The following ASB18 variants were observed in gnomAD, a reference collection of about 807,000 sequenced individuals.
ASB18 encodes the protein ankyrin repeat and SOCS box protein 18.
In ASB18, 33 loss-of-function variants were observed where a neutral mutation model predicts 33.4. That is an observed-to-expected ratio of 0.99 (90% confidence interval 0.75 to 1.32). The LOEUF is 1.32. Ranked by LOEUF, ASB18 falls within the 40% of genes most tolerant of loss-of-function variation. ASB18 has a pLI of 0.00. For synonymous variants in ASB18, 295 were observed against 307.6 expected (o/e 0.96, Z 0.43); for missense variants, 694 against 655.5 (o/e 1.06, Z -0.64).
Position 236,263,723 on chromosome 2 carries a change from T to C in ASB18, c.205+418A>G, listed in dbSNP as rs934153680. 7.2e-5 allele frequency among the ~76,000 whole-genome samples: 11 copies of C among 152,220 alleles called. No individual in the cohort carries two copies. Among genetic ancestry groups the C allele is most frequent in the Non-Finnish European group, 1.5e-4 (10 of 68,034 alleles). On this transcript the variant is annotated intron_variant, in intron 1 of 5. Transcript: ENST00000409749. This position sits in a 1 kb window ranked among gnomAD's most constrained non-coding sequence, Gnocchi z 4.0. ...TACTATCTTTTTGTAGGCATTTGGT[T>C]TAAGTATTTCAGTAGGGGATTGAAA...
At chr2:236,258,086 G>A (rs534080147) in intron 1 of ASB18, among the ~76,000 whole-genome samples, 1 of 152,338 alleles carries the variant, frequency 6.6e-6, no homozygotes, top group East Asian at 1.9e-4. Context: ...CTGTGCATAT[G>A]AGTTCGTAAA....
Position 236,244,860 on chromosome 2 carries a change from C to T in ASB18, c.206-3458G>A, listed in dbSNP as rs188188853. Among the ~76,000 whole-genome samples the T allele has an allele frequency of 6.6e-6, 1 of 152,308 alleles. No individual in the cohort carries two copies. Among genetic ancestry groups the T allele is most frequent in the Non-Finnish European group, 1.5e-5 (1 of 68,030 alleles). ...GTGTTTTGACCCTTGTTGTAGAACC[C>T]TTGTTCTGACCCCTGTTACAGGCAT... On this transcript the variant is annotated intron_variant, in intron 1 of 5. Transcript: ENST00000409749. The surrounding 1 kb of genome is among the most constrained non-coding windows in gnomAD (Gnocchi z 6.1).
At position 236,214,466 on chromosome 2, in the gene ASB18, C is replaced by A; in HGVS notation, c.997G>T (p.Val333Leu). The A allele has an allele frequency of 6.6e-7, 1 of 1,521,354 alleles. No individual in the cohort carries two copies. The highest frequency in any genetic ancestry group is 8.8e-7 in the Non-Finnish European group (1 of 1,140,820). 94.2% of individuals were successfully genotyped at this position (1,521,354 alleles called of 1,614,324 possible). A position where few individuals can be genotyped will look rare whatever the true frequency, so the allele number is the denominator to read the frequency against. ...AGAGCGCAGGATGCGGTCTGGAGCA[C>A]GCGGCCCAGCGGCGAGGCCCCGCCA... ...DYGGASPLGR[V>L]LQTASCALQA... The change falls in exon 4 of 6, where the codon GTG becomes TTG. Residue 333 changes from valine (V) to leucine (L), a missense_variant. Physicochemically the swap from Val to Leu is conservative, Grantham distance 32. Transcript: ENST00000409749. The surrounding 1 kb of genome is among the most constrained non-coding windows in gnomAD (Gnocchi z 6.5).
At chr2:236,199,440 T>C (rs2060388693) in intron 4 of ASB18, among the ~76,000 whole-genome samples, 1 of 150,264 alleles carries the variant, frequency 6.7e-6, no homozygotes, top group Non-Finnish European at 1.5e-5. Context: ...AAAAAGATTT[T>C]CCAATACTGA....
rs2060533359 is a variant in ASB18 at position 236,225,573 on chromosome 2, T to G, written c.597-10707A>C. Among the ~76,000 whole-genome samples, 1 of 152,208 alleles carries G rather than the reference T, an allele frequency of 6.6e-6. No individual in the cohort carries two copies. The highest frequency in any genetic ancestry group is 1.9e-4 in the East Asian group (1 of 5,192). ...AAGAATAGGGCGTCAACACATTCTT[T>G]TCTTATTTTAATTATCTCGAATAAA... On this transcript the variant is annotated intron_variant, in intron 3 of 5. Transcript: ENST00000409749. The surrounding 1 kb of genome is among the most constrained non-coding windows in gnomAD (Gnocchi z 5.1).
chr2:236,223,996 A>G lies in ASB18; in HGVS notation c.597-9130T>C, dbSNP rs62190968. Among the ~76,000 whole-genome samples the G allele has an allele frequency of 0.09, 13,649 of 152,134 alleles. 805 individuals are homozygous for G. The highest frequency in any genetic ancestry group is 0.2 in the Middle Eastern group (59 of 294). ...ATAAAGCTTCTATGAACGTTTTTGT[A>G]TAAGTCTTCCTGGGGACATATGTTC... On this transcript the variant is annotated intron_variant, in intron 3 of 5. Coordinates refer to ENST00000409749, the MANE Select transcript of ASB18 (RefSeq NM_212556.4). This position sits in a 1 kb window ranked among gnomAD's most constrained non-coding sequence, Gnocchi z 4.6.
intron 4 of ASB18, among the ~76,000 whole-genome samples, chr2:236,210,053 G>A (rs1226938702): frequency 6.6e-6 from 1 of 152,206 alleles, no homozygotes; most frequent in Non-Finnish European, 1.5e-5. Flanking sequence ...TCAAGGTGAA[G>A]TGAGCCTCGG....
In ASB18 at chr2:236,229,991, C is replaced by A. The variant is rs1479041633; in HGVS notation, c.596+7698G>T. 1.3e-5 allele frequency among the ~76,000 whole-genome samples: 2 copies of A among 151,860 alleles called. No individual in the cohort carries two copies. The highest frequency in any genetic ancestry group is 4.8e-5 in the African/African-American group (2 of 41,364). On this transcript the variant is annotated intron_variant, in intron 3 of 5. Transcript: ENST00000409749. This position sits in a 1 kb window ranked among gnomAD's most constrained non-coding sequence, Gnocchi z 5.2. ...AGATAAAACTAGGAGTTTGAGACCA[C>A]CCTGGGCAGCAAAACAAGACCTCAA... is the stretch of plus-strand genomic sequence containing the variant.
In ASB18 at chr2:236,237,954, G is replaced by A. The variant is rs1301571010; in HGVS notation, c.331C>T (p.Leu111Phe). ...KSPATFGLSG[L>F]WTLEYKRELT... ...TCACGCTTGTACTCCAGGGTCCAGA[G>A]GCCTGCGGGGAGGGAGGTGGGATGT... Residue 111 changes from leucine (L) to phenylalanine (F), a missense_variant and splice_region_variant, in exon 3 of 6, where the codon CTC becomes TTC. Transcript: ENST00000409749. This position sits in a 1 kb window ranked among gnomAD's most constrained non-coding sequence, Gnocchi z 6.2. The A allele has an allele frequency of 6.7e-7, 1 of 1,497,352 alleles. No homozygotes were observed. The highest frequency in any genetic ancestry group is 8.8e-7 in the Non-Finnish European group (1 of 1,130,278). 92.8% of individuals were successfully genotyped at this position (1,497,352 alleles called of 1,614,324 possible).
rs928837567 is a variant in ASB18 at position 236,231,457 on chromosome 2, G to T, written c.596+6232C>A. On this transcript the variant is annotated intron_variant, in intron 3 of 5. Coordinates refer to ENST00000409749, the MANE Select transcript of ASB18 (RefSeq NM_212556.4). The surrounding 1 kb of genome is among the most constrained non-coding windows in gnomAD (Gnocchi z 5.5). ...CCTCTTCCATTTTTTCTGCTCCTCT[G>T]CCATGTGACAATGCAGCAACACAAT... 2.0e-5 allele frequency among the ~76,000 whole-genome samples: 3 copies of T among 152,072 alleles called. No homozygotes were observed. The highest frequency in any genetic ancestry group is 7.2e-5 in the African/African-American group (3 of 41,406).
rs139267512 is a variant in ASB18, at chr2:236,219,872, T to A, written c.597-5006A>T. ...GGGGTCAGGGTAGAACAGTCACCGT[T>A]GGGATCTAAGGGTAGAATTCCCATC... On this transcript the variant is annotated intron_variant, in intron 3 of 5. Transcript: ENST00000409749. The surrounding 1 kb of genome is among the most constrained non-coding windows in gnomAD (Gnocchi z 6.4). 1.8e-4 allele frequency among the ~76,000 whole-genome samples: 28 copies of A among 152,328 alleles called. No homozygotes were observed. The East Asian group carries it at 5.4e-3, about 29-fold the overall frequency.
chr2:236,197,650 C>G (rs1397861454), intron 4 of ASB18, among the ~76,000 whole-genome samples: 2 of 152,076 alleles, frequency 1.3e-5, no homozygotes, highest in Non-Finnish European at 2.9e-5. Flanking sequence ...GGAGAAACAC[C>G]GTCTCTACTT....
Position 236,215,356 on chromosome 2 carries a change from G to A in ASB18, c.597-490C>T, listed in dbSNP as rs756058982. On this transcript the variant is annotated intron_variant, in intron 3 of 5. Transcript: ENST00000409749. This position sits in a 1 kb window ranked among gnomAD's most constrained non-coding sequence, Gnocchi z 7.2. Reference sequence around the variant, plus strand: ...GCAAGCCTTGCCTTGCACCACGAAGGGACTTTCCCCATCCCTCAGGACACT... The same window carrying A: ...GCAAGCCTTGCCTTGCACCACGAAGAGACTTTCCCCATCCCTCAGGACACT... Among the ~76,000 whole-genome samples the A allele has an allele frequency of 7.2e-5, 11 of 152,080 alleles. No individual in the cohort carries two copies. Among genetic ancestry groups the A allele is most frequent in the Non-Finnish European group, 1.3e-4 (9 of 68,010 alleles).
At position 236,257,445 on chromosome 2, in the gene ASB18, C is replaced by G. The variant is rs1025822509; in HGVS notation, c.205+6696G>C. On this transcript the variant is annotated intron_variant, in intron 1 of 5. Transcript: ENST00000409749. The surrounding 1 kb of genome is among the most constrained non-coding windows in gnomAD (Gnocchi z 5.5). ...GTTTTTATTCTCCAGCCTAGCACCCCACTTACTTGCCCATGATTTTTTGGG... is the reference window on the plus strand; with the variant it reads ...GTTTTTATTCTCCAGCCTAGCACCCGACTTACTTGCCCATGATTTTTTGGG... 6.6e-6 allele frequency among the ~76,000 whole-genome samples: 1 copy of G among 152,168 alleles called. No homozygotes were observed. Among genetic ancestry groups the G allele is most frequent in the Non-Finnish European group, 1.5e-5 (1 of 68,038 alleles).
chr2:236,253,206 C>A lies in ASB18; in HGVS notation c.205+10935G>T, dbSNP rs1378789908. Among the ~76,000 whole-genome samples the A allele has an allele frequency of 6.6e-6, 1 of 152,116 alleles. No individual in the cohort carries two copies. Among genetic ancestry groups the A allele is most frequent in the Admixed American group, 6.5e-5 (1 of 15,280 alleles). On this transcript the variant is annotated intron_variant, in intron 1 of 5. Transcript: ENST00000409749. The surrounding 1 kb of genome is among the most constrained non-coding windows in gnomAD (Gnocchi z 5.4). Reference sequence around the variant, plus strand: ...TCCTGGCACACAAGAGGACAGGAAGCAGCAGAAGAGGCAGATGTGCAAACG... The same window carrying A: ...TCCTGGCACACAAGAGGACAGGAAGAAGCAGAAGAGGCAGATGTGCAAACG...
chr2:236,208,060 A>G lies in ASB18; in HGVS notation c.1101+6302T>C, dbSNP rs1193164625. ...CTGGGCATCATATCGACATCATAAG[A>G]GCTATTATCGGTGGTCCCCTCCCCA... is the stretch of plus-strand genomic sequence containing the variant. On this transcript the variant is annotated intron_variant, in intron 4 of 5. Transcript: ENST00000409749. The surrounding 1 kb of genome is among the most constrained non-coding windows in gnomAD (Gnocchi z 7.7). Among the ~76,000 whole-genome samples the G allele has an allele frequency of 6.6e-6, 1 of 151,062 alleles. No individual in the cohort carries two copies. Among genetic ancestry groups the G allele is most frequent in the Non-Finnish European group, 1.5e-5 (1 of 67,756 alleles).
At position 236,252,162 on chromosome 2, in the gene ASB18, T is replaced by C. The variant is rs2060671415; in HGVS notation, c.206-10760A>G. 6.6e-6 allele frequency among the ~76,000 whole-genome samples: 1 copy of C among 151,868 alleles called. No homozygotes were observed. Among genetic ancestry groups the C allele is most frequent in the Non-Finnish European group, 1.5e-5 (1 of 67,992 alleles). On this transcript the variant is annotated intron_variant, in intron 1 of 5. Coordinates refer to ENST00000409749, the MANE Select transcript of ASB18 (RefSeq NM_212556.4). This position sits in a 1 kb window ranked among gnomAD's most constrained non-coding sequence, Gnocchi z 7.9. Reference sequence around the variant, plus strand: ...GGTGTGCGGCTGCAGTCCCAGCTATTCAGGAGGCTGAGACAGGAGAATTGC... The same window carrying C: ...GGTGTGCGGCTGCAGTCCCAGCTATCCAGGAGGCTGAGACAGGAGAATTGC...
rs1369359286 is a variant in ASB18, at chr2:236,223,976, G to A, written c.597-9110C>T. On this transcript the variant is annotated intron_variant, in intron 3 of 5. Transcript: ENST00000409749. This position sits in a 1 kb window ranked among gnomAD's most constrained non-coding sequence, Gnocchi z 4.6. ...CTATTTTTTGACTATTATAAATAAA[G>A]CTTCTATGAACGTTTTTGTATAAGT... Among the ~76,000 whole-genome samples, 1 of 152,064 alleles carries A rather than the reference G, an allele frequency of 6.6e-6. No homozygotes were observed. The highest frequency in any genetic ancestry group is 1.5e-5 in the Non-Finnish European group (1 of 68,020).
rs796121000 is a variant in ASB18, at chr2:236,225,925, G to C, written c.597-11059C>G. The stretch of plus-strand genomic sequence containing the variant: ...TAGGTGTGGAGACCATTGTCATCAA[G>C]AGTCAGAAAATGGAATGGCTCTGTA... On this transcript the variant is annotated intron_variant, in intron 3 of 5. Transcript: ENST00000409749. The surrounding 1 kb of genome is among the most constrained non-coding windows in gnomAD (Gnocchi z 5.1). Among the ~76,000 whole-genome samples the C allele has an allele frequency of 2.5e-4, 38 of 152,252 alleles. No individual in the cohort carries two copies. Among genetic ancestry groups the C allele is most frequent in the African/African-American group, 9.1e-4 (38 of 41,564 alleles).
Sources: allele counts gnomAD v4.1 joint callset (sites outside exome capture counted in the v4.1 genomes callset), GRCh38; gene constraint gnomAD v4.1.1; non-coding constraint Gnocchi (gnomAD v3.1); transcripts MANE v1.5; gene names NCBI Gene and HGNC (gene_info 2026-07-23, HGNC 2026-07-21).